Variants in MYH7 observed in about 807,000 individuals in gnomAD.
The protein encoded by MYH7 is myosin heavy chain 7, also known as myosin-7.
A neutral mutation model predicts 225.4 loss-of-function variants in MYH7; 129 were observed. The observed-to-expected ratio is 0.57, with a 90% confidence interval of 0.50 to 0.66. The LOEUF is 0.66. Among genes scored for constraint, MYH7 ranks in the 30% least tolerant of loss-of-function variants. The pLI is 0.00. For missense variants in MYH7, 1,649 were observed against 2,517.0 expected (o/e 0.66, Z 7.38); for synonymous variants, 971 against 1,007.6 (o/e 0.96, Z 0.69).
chr14:23,419,785 T>C (rs1892393051), intron 27 of MYH7, 60 bp downstream of exon 27: 1 of 1,613,700 alleles, frequency 6.2e-7, no homozygotes, highest in Non-Finnish European at 8.5e-7. Context: ...AGACACTACA[T>C]GGACAGAAAG....
chr14:23,415,570 C>T lies in MYH7; in HGVS notation c.5157+59G>A. On this transcript the variant is annotated intron_variant, in intron 35 of 39. Transcript: ENST00000355349. The surrounding 1 kb of genome is among the most constrained non-coding windows in gnomAD (Gnocchi z 6.3). The stretch of plus-strand genomic sequence containing the variant: ...TGAGCATCTATGCATAGCTCTCAAG[C>T]CTTGCTTGCTGAGCCCCAGCCTGTG... The T allele has an allele frequency of 6.2e-7, 1 of 1,613,948 alleles. No homozygotes were observed. The highest frequency in any genetic ancestry group is 8.5e-7 in the Non-Finnish European group (1 of 1,180,040).
rs745823988 is a variant in MYH7 at position 23,431,842 on chromosome 14, G to A, written c.558C>T (p.Val186=). 4 of 1,614,138 alleles carry A rather than the reference G, an allele frequency of 2.5e-6. No homozygotes were observed. The highest frequency in any genetic ancestry group is 2.7e-5 in the African/African-American group (2 of 74,954). The change falls in exon 7 of 40, where the codon GTC becomes GTT. Residue 186 remains valine, a synonymous_variant. Transcript: ENST00000355349. ...AGTACTGGATGACCCTCTTGGTGTT[G>A]ACTGTCTTCCCTGCTCCGGATTCTC... ...ITGESGAGKT[V]NTKRVIQYFA...
rs1232767641 is a variant in MYH7, at chr14:23,420,975, T to G, written c.3319A>C (p.Lys1107Gln). The change falls in exon 26 of 40, where the codon AAG (lysine) becomes CAG (glutamine). Residue 1107 changes from lysine (K) to glutamine (Q), a missense_variant. Physicochemically the swap from Lys to Gln is moderately conservative, Grantham distance 53. This residue lies in a region of MYH7 where 106 missense variants were observed against 198.8 expected (regional missense o/e 0.53). Transcript: ENST00000355349. ...GACCTCACCTGAAGCTCCTTGAGCTTCTTCTGCAGCTGGCTGCCGAGGGCC... is the reference window on the plus strand; with the variant it reads ...GACCTCACCTGAAGCTCCTTGAGCTGCTTCTGCAGCTGGCTGCCGAGGGCC... ...EQALGSQLQKKLKELQARIEE... is the reference protein window; with the variant it reads ...EQALGSQLQKQLKELQARIEE... 6.2e-7 allele frequency: 1 copy of G among 1,612,198 alleles called. No individual in the cohort carries two copies. The highest frequency in any genetic ancestry group is 8.5e-7 in the Non-Finnish European group (1 of 1,179,978).
rs150153771 is a variant in MYH7, at chr14:23,427,609, C to A, written c.1864G>T (p.Ala622Ser). Residue 622 changes from alanine (A) to serine (S), a missense_variant, in exon 16 of 40, where the codon GCC (alanine) becomes TCC (serine). Transcript: ENST00000355349. Reference sequence around the variant, plus strand: ...CGCGCATCAGCCCCAGCATAGTTGGCAAACAGGGTGCTGAGCAGCTTGAGG... The same window carrying A: ...CGCGCATCAGCCCCAGCATAGTTGGAAAACAGGGTGCTGAGCAGCTTGAGG... ...SSLKLLSTLF[A>S]NYAGADAPIE... The A allele has an allele frequency of 6.2e-7, 1 of 1,614,114 alleles. No individual in the cohort carries two copies. The highest frequency in any genetic ancestry group is 8.5e-7 in the Non-Finnish European group (1 of 1,180,022).
chr14:23,426,003 C>T lies in MYH7; in HGVS notation c.2123G>A (p.Gly708Asp). The T allele has an allele frequency of 4.3e-6, 7 of 1,614,198 alleles. No homozygotes were observed. Among genetic ancestry groups the T allele is most frequent in the Non-Finnish European group, 5.1e-6 (6 of 1,180,048 alleles). The part of the protein sequence containing the change: ...VLEGIRICRK[G>D]FPNRILYGDF... ...CCCGTAGAGGATGCGGTTGGGGAAGCCTTTCCTGCAGATGCGGATGCCCTC... is the reference window on the plus strand; with the variant it reads ...CCCGTAGAGGATGCGGTTGGGGAAGTCTTTCCTGCAGATGCGGATGCCCTC... Residue 708 changes from glycine to aspartate, a missense_variant, in exon 19 of 40, where the codon GGC (glycine) becomes GAC (aspartate). By Grantham distance (94) the Gly-to-Asp change is moderately conservative (BLOSUM62 -1). Transcript: ENST00000355349.
chr14:23,426,141 T>C, intron 18 of MYH7, 60 bp from the exon 19 acceptor site: 2 of 1,581,548 alleles, frequency 1.3e-6, no homozygotes, highest in Non-Finnish European at 1.7e-6. Context: ...TTCTGGGTTC[T>C]GATCCTGGCT....
At chr14:23,428,430 C>T (rs942422007) in intron 15 of MYH7, 70 bp downstream of exon 15, 2 of 1,606,130 alleles carry the variant, frequency 1.2e-6, no homozygotes, top group Admixed American at 1.7e-5. Flanking sequence ...GGGAGAGGGG[C>T]TGCTATTTTG....
chr14:23,434,740 A>G (rs148541854), intron 1 of MYH7, among the ~76,000 whole-genome samples: 1 of 152,332 alleles, frequency 6.6e-6, no homozygotes, highest in African/African-American at 2.4e-5. Flanking sequence ...GACTCTAAAG[A>G]GACTTCTTTT....
intron 25 of MYH7, chr14:23,421,891 A>G: frequency 9.9e-6 from 6 of 608,020 alleles, no homozygotes; most frequent in Non-Finnish European, 1.2e-5. Flanking sequence ...CTCCAAAGAG[A>G]GATGTGTATG....
At chr14:23,419,382 G>A in intron 28 of MYH7, 87 bp from the exon 29 acceptor site, 1 of 1,612,180 alleles carries the variant, frequency 6.2e-7, no homozygotes, top group Non-Finnish European at 8.5e-7. Context: ...GAGAGACTCT[G>A]TGTCTGTGTG....
Position 23,427,840 on chromosome 14 carries a change from C to T in MYH7, c.1633G>A (p.Asp545Asn), listed in dbSNP as rs564101364. 8.7e-6 allele frequency: 14 copies of T among 1,614,028 alleles called. No homozygotes were observed. Among genetic ancestry groups the T allele is most frequent in the Admixed American group, 1.7e-5 (1 of 60,004 alleles). Residue 545 changes from aspartate (D) to asparagine (N), a missense_variant, in exon 16 of 40, where the codon GAC becomes AAC. Transcript: ENST00000355349. ...EEECMFPKAT[D>N]MTFKAKLFDN... ...AACAGCTTGGCCTTGAAGGTCATGT[C>T]GGTGGCCTTGGGGAACATGCACTCC...
chr14:23,428,023 T>C, intron 15 of MYH7, 129 bp from the exon 16 acceptor site: 1 of 1,148,026 alleles, frequency 8.7e-7, no homozygotes, highest in Non-Finnish European at 1.2e-6. Context: ...CAGCTCTGAG[T>C]ACAGTTATCT....
intron 33 of MYH7, among the ~76,000 whole-genome samples, chr14:23,416,578 GGTATAGA>G (rs1455820379): frequency 1.3e-5 from 2 of 152,312 alleles, no homozygotes; most frequent in African/African-American, 4.8e-5. Context: ...GAGGCAATCA[GGTATAGA>G]GTATAAAAGA....
chr14:23,418,387 T>G lies in MYH7; in HGVS notation c.3992A>C (p.His1331Pro). The G allele has an allele frequency of 6.2e-7, 1 of 1,611,834 alleles. No individual in the cohort carries two copies. The highest frequency in any genetic ancestry group is 8.5e-7 in the Non-Finnish European group (1 of 1,178,596). Residue 1331 changes from histidine to proline, a missense_variant, in exon 30 of 40, where the codon CAC (histidine) becomes CCC (proline). Around this residue, in one of 12 missense-constraint regions of MYH7, gnomAD observed 687 missense variants for 913.8 expected, o/e 0.75. Transcript: ENST00000355349. ...GTCATGCCGGGCCGACTGCAGTGCGTGGGCCAGGGCGTTCTTCGCCTGGGG... is the reference window on the plus strand; with the variant it reads ...GTCATGCCGGGCCGACTGCAGTGCGGGGGCCAGGGCGTTCTTCGCCTGGGG... ...EEVKAKNALA[H>P]ALQSARHDCD...
At chr14:23,412,974 G>A (rs1419329371) in intron 39 of MYH7, 103 bp from the exon 40 acceptor site, 25 of 1,210,240 alleles carry the variant, frequency 2.1e-5, no homozygotes, top group Non-Finnish European at 2.7e-5. Context: ...TGGGGGGCCT[G>A]CTTTGTGGGC....
Position 23,415,060 on chromosome 14 carries a change from G to C in MYH7, c.5494C>G (p.Arg1832Gly), listed in dbSNP as rs201865159. 9 of 1,613,066 alleles carry C rather than the reference G, an allele frequency of 5.6e-6. No homozygotes were observed. The highest frequency in any genetic ancestry group is 2.5e-6 in the Non-Finnish European group (3 of 1,180,012). The change falls in exon 37 of 40, where the codon CGC becomes GGC. Residue 1832 changes from arginine to glycine, a missense_variant. Arg to Gly is a moderately radical substitution (Grantham distance 125). This residue lies in a region of MYH7 where 687 missense variants were observed against 913.8 expected (regional missense o/e 0.75). Coordinates refer to ENST00000355349, the MANE Select transcript of MYH7 (RefSeq NM_000257.4). The surrounding 1 kb of genome is among the most constrained non-coding windows in gnomAD (Gnocchi z 6.3). Reference sequence around the variant, plus strand: ...ATGCCCTTCACCGACTCTGCGTTGCGCTTCTGCTCGGCCTCCAGCTCATTC... The same window carrying C: ...ATGCCCTTCACCGACTCTGCGTTGCCCTTCTGCTCGGCCTCCAGCTCATTC... The part of the protein sequence containing the change: ...LENELEAEQK[R>G]NAESVKGMRK...
At chr14:23,421,126 A>G (rs1374847663) in intron 25 of MYH7, 78 bp from the exon 26 acceptor site, 13 of 1,001,494 alleles carry the variant, frequency 1.3e-5, no homozygotes, top group Non-Finnish European at 1.9e-5. Context: ...GAAAATGGTA[A>G]TGATACAGGT....
intron 13 of MYH7, 35 bp downstream of exon 13, chr14:23,429,194 C>T (rs1892820615): frequency 6.2e-7 from 1 of 1,613,694 alleles, no homozygotes; most frequent in South Asian, 1.1e-5. Flanking sequence ...GTCTCCCTAC[C>T]CTGCCCACCC....
chr14:23,428,458 G>T, intron 15 of MYH7, 42 bp downstream of exon 15: 1 of 1,613,348 alleles, frequency 6.2e-7, no homozygotes. Flanking sequence ...TGTTCTTGTT[G>T]GGTGTGCAGG....
Sources: gnomAD v4.1 joint callset for allele counts (sites outside exome capture counted in the v4.1 genomes callset) on GRCh38, gnomAD v4.1.1 for gene constraint, gnomAD v4.1.1 regional missense constraint, Gnocchi (gnomAD v3.1) non-coding constraint, MANE v1.5 for transcripts, NCBI Gene and HGNC (gene_info 2026-07-23, HGNC 2026-07-21) for gene names.